The following KNDC1 variants were observed in gnomAD, a reference collection of about 807,000 sequenced individuals.
KNDC1 encodes the protein kinase non-catalytic C-lobe domain containing 1.
KNDC1 carries 106 observed loss-of-function variants against 172.8 expected under a neutral mutation model. The observed-to-expected ratio is 0.61, with a 90% CI of 0.52 to 0.72. The LOEUF (loss-of-function observed/expected upper bound fraction) is 0.72, where lower values mean the gene tolerates loss of function less well. Among genes scored for constraint, KNDC1 ranks in the 30% least tolerant of loss-of-function variants. The pLI, the probability that KNDC1 is intolerant of heterozygous loss-of-function variation, is 0.00. For synonymous variants in KNDC1, 1,083 were observed against 1,062.2 expected (o/e 1.02, Z -0.38); for missense variants, 2,325 against 2,394.5 (o/e 0.97, Z 0.61).
chr10:133,201,985 C>CA, intron 17 of KNDC1, 87 bp downstream of exon 17: 1 of 1,411,464 alleles, frequency 7.1e-7, no homozygotes. Flanking sequence ...ACAGATGGCA[C>CA]CGTGTGCCCA....
At chr10:133,222,248 A>G (rs1172055219) in intron 29 of KNDC1, among the ~76,000 whole-genome samples, 3 of 140,698 alleles carry the variant, frequency 2.1e-5, no homozygotes, top group Admixed American at 1.4e-4. Flanking sequence ...GCGCCACCGC[A>G]CTCCAGCCTG....
chr10:133,180,885 C>T (rs962583490), intron 3 of KNDC1, among the ~76,000 whole-genome samples: 6 of 152,246 alleles, frequency 3.9e-5, no homozygotes, highest in African/African-American at 1.4e-4. Flanking sequence ...CAAATTAACT[C>T]GACGAGTGAG....
intron 9 of KNDC1, among the ~76,000 whole-genome samples, chr10:133,194,016 T>A (rs1854124407): frequency 6.6e-6 from 1 of 152,146 alleles, no homozygotes; most frequent in South Asian, 2.1e-4. Flanking sequence ...GATAGAACAA[T>A]CAGACTGTAA....
At chr10:133,206,604 C>T (rs1219204208) in intron 17 of KNDC1, 81 bp from the exon 18 acceptor site, 20 of 1,165,638 alleles carry the variant, frequency 1.7e-5, no homozygotes, top group Non-Finnish European at 2.6e-5. Flanking sequence ...AAGGAGGCCC[C>T]AGTGGGGTGG....
chr10:133,193,850 A>G (rs1462311249), intron 9 of KNDC1, among the ~76,000 whole-genome samples: 3 of 152,232 alleles, frequency 2.0e-5, no homozygotes, highest in African/African-American at 7.2e-5. Flanking sequence ...ATAACAATAA[A>G]GGGTCAGTCC....
intron 3 of KNDC1, chr10:133,179,323 TCA>T (rs1853647787): frequency 6.6e-6 from 1 of 152,172 alleles, no homozygotes; most frequent in African/African-American, 2.4e-5. Flanking sequence ...AGGTGCGTGT[TCA>T]CAGTGTCCTC....
In KNDC1 at chr10:133,207,199, G is replaced by A. The variant is rs761480129; in HGVS notation, c.3642G>A (p.Ala1214=). 12 of 1,611,422 alleles carry A rather than the reference G, an allele frequency of 7.4e-6. No homozygotes were observed. The highest frequency in any genetic ancestry group is 4.0e-5 in the African/African-American group (3 of 74,928). ...PCTLPVIVNI[A]AAPCDTLDFS... is the part of the protein sequence containing the mutation. Reference sequence around the variant, plus strand: ...CCCTCCCAGTGATCGTGAACATCGCGGCCGCACCCTGCGACACGCTGGACT... The same window carrying A: ...CCCTCCCAGTGATCGTGAACATCGCAGCCGCACCCTGCGACACGCTGGACT... Residue 1214 remains alanine (A), a synonymous_variant, in exon 20 of 30, where the codon GCG becomes GCA. Transcript: ENST00000304613.
chr10:133,191,624 C>A (rs1023657872), intron 9 of KNDC1, among the ~76,000 whole-genome samples: 13 of 152,020 alleles, frequency 8.6e-5, no homozygotes, highest in African/African-American at 3.1e-4. Context: ...TGCTTGAACC[C>A]AGGAGGCAGA....
At position 133,207,233 on chromosome 10, in the gene KNDC1, C is replaced by G; in HGVS notation, c.3676C>G (p.Leu1226Val). 1 of 1,612,912 alleles carries G rather than the reference C, an allele frequency of 6.2e-7. No individual in the cohort carries two copies. The highest frequency in any genetic ancestry group is 8.5e-7 in the Non-Finnish European group (1 of 1,179,966). ...APCDTLDFSPLDESSSLIFYN... is the reference protein window; with the variant it reads ...APCDTLDFSPVDESSSLIFYN... The stretch of plus-strand genomic sequence containing the variant: ...CTGCGACACGCTGGACTTCAGCCCC[C>G]TGGACGAGTCCTCCTCGCTCATCTT... Residue 1226 changes from leucine to valine, a missense_variant, in exon 20 of 30, where the codon CTG becomes GTG. By Grantham distance (32) the Leu-to-Val change is conservative (BLOSUM62 1). Transcript: ENST00000304613.
Position 133,198,404 on chromosome 10 carries a change from C to G in KNDC1, c.1974C>G (p.Pro658=), listed in dbSNP as rs1418649590. Residue 658 remains proline, a synonymous_variant, in exon 13 of 30, where the codon CCC becomes CCG. Transcript: ENST00000304613. ...CAGGGCCCGTGCCCGGCCAGCACCCCTGCGGTGAAGAAGCCACCCAGCTGC... is the reference window on the plus strand; with the variant it reads ...CAGGGCCCGTGCCCGGCCAGCACCCGTGCGGTGAAGAAGCCACCCAGCTGC... ...AVPGPVPGQH[P]CGEEATQLPA... is the part of the protein sequence containing the mutation. 4 of 1,601,082 alleles carry G rather than the reference C, an allele frequency of 2.5e-6. No individual in the cohort carries two copies. The highest frequency in any genetic ancestry group is 3.4e-6 in the Non-Finnish European group (4 of 1,174,836).
At chr10:133,172,943 C>G (rs1328224925) in intron 3 of KNDC1, among the ~76,000 whole-genome samples, 1 of 152,170 alleles carries the variant, frequency 6.6e-6, no homozygotes, top group Non-Finnish European at 1.5e-5. Flanking sequence ...TTCCAGGCTG[C>G]AGTGAGCCAT....
At chr10:133,200,307 G>T in intron 15 of KNDC1, 68 bp from the exon 16 acceptor site, 1 of 1,259,668 alleles carries the variant, frequency 7.9e-7, no homozygotes. Context: ...TGTGGGCCCC[G>T]CCCTGTGGAG....
At chr10:133,201,012 C>T (rs1854348016) in intron 16 of KNDC1, among the ~76,000 whole-genome samples, 1 of 152,232 alleles carries the variant, frequency 6.6e-6, no homozygotes, top group Non-Finnish European at 1.5e-5. Context: ...GTGACGGGCC[C>T]AGTTCCTATC....
At position 133,197,082 on chromosome 10, in the gene KNDC1, C is replaced by G; in HGVS notation, c.1759C>G (p.Arg587Gly). ...GGTGTGCGGCAGCTACCTCCTCCAG[C>G]GAGGCATGGACAGCCGGAAAATCCT... ...IKVCGSYLLQ[R>G]GMDSRKILAH... The change falls in exon 11 of 30, where the codon CGA becomes GGA. Residue 587 changes from arginine to glycine, a missense_variant. Arg to Gly is a moderately radical substitution (Grantham distance 125, BLOSUM62 -2). Coordinates refer to ENST00000304613, the MANE Select transcript of KNDC1 (RefSeq NM_152643.8). The G allele has an allele frequency of 6.2e-7, 1 of 1,613,140 alleles. No homozygotes were observed. The highest frequency in any genetic ancestry group is 8.5e-7 in the Non-Finnish European group (1 of 1,179,800).
Position 133,199,592 on chromosome 10 carries a change from C to G in KNDC1, c.2893C>G (p.Pro965Ala). 2 of 1,613,394 alleles carry G rather than the reference C, an allele frequency of 1.2e-6. No homozygotes were observed. Among genetic ancestry groups the G allele is most frequent in the Non-Finnish European group, 1.7e-6 (2 of 1,179,914 alleles). The change falls in exon 15 of 30, where the codon CCC (proline) becomes GCC (alanine). Residue 965 changes from proline to alanine, a missense_variant. Transcript: ENST00000304613. The stretch of plus-strand genomic sequence containing the variant: ...TAAGGTGGTCAACGGGCAGGCGTCA[C>G]CCTCCCCAAGGTGGGTGCCCAGTTC... Reference protein sequence around the residue: ...LFKVVNGQASPSPSTAEEAGS... With the variant: ...LFKVVNGQASASPSTAEEAGS...
chr10:133,197,108 T>C lies in KNDC1; in HGVS notation c.1785T>C (p.Leu595=), dbSNP rs537022612. 2 of 1,613,220 alleles carry C rather than the reference T, an allele frequency of 1.2e-6. No homozygotes were observed. The highest frequency in any genetic ancestry group is 2.2e-5 in the South Asian group (2 of 91,078). ...LQRGMDSRKI[L]AHLRASICQV... is the part of the protein sequence containing the mutation. ...GAGGCATGGACAGCCGGAAAATCCT[T>C]GCCCACCTCAGAGCTTCCATCTGCC... The change falls in exon 11 of 30, where the codon CTT becomes CTC. Residue 595 remains leucine, a synonymous_variant. Transcript: ENST00000304613.
chr10:133,208,807 TG>T (rs1845282022), intron 20 of KNDC1, among the ~76,000 whole-genome samples: 1 of 152,166 alleles, frequency 6.6e-6, no homozygotes, highest in Admixed American at 6.5e-5. Context: ...TGTGCATGTG[TG>T]GTGTGTCCGG....
At chr10:133,188,774 TCCCATCAC>T in intron 7 of KNDC1, 121 bp downstream of exon 7, 1 of 532,976 alleles carries the variant, frequency 1.9e-6, no homozygotes, top group South Asian at 1.9e-5. Context: ...CCCCCCACTG[TCCCATCAC>T]CCCTGCCGTC....
Position 133,195,836 on chromosome 10 carries a change from G to A in KNDC1, c.1734+15G>A. ...AGGCCATCAAGGTAACCACACCACA[G>A]TCATGGCCCCAGCCCAGGGTCCAAG... On this transcript the variant is annotated intron_variant, in intron 10 of 29. Transcript: ENST00000304613. The A allele has an allele frequency of 1.3e-6, 2 of 1,532,394 alleles. No individual in the cohort carries two copies. Among genetic ancestry groups the A allele is most frequent in the Non-Finnish European group, 1.8e-6 (2 of 1,139,206 alleles). The allele number at this position is 1,532,394 out of a possible 1,614,324, so 94.9% of individuals were successfully genotyped here.
Sources: gnomAD v4.1 joint callset for allele counts (sites outside exome capture counted in the v4.1 genomes callset) on GRCh38, gnomAD v4.1.1 for gene constraint, MANE v1.5 for transcripts, NCBI Gene and HGNC (gene_info 2026-07-23, HGNC 2026-07-21) for gene names.